GULP1: variants seen among roughly 807,000 people sequenced by gnomAD.
GULP1 encodes the protein PTB domain-containing engulfment adapter protein 1.
In GULP1, 19 loss-of-function variants were observed where a neutral mutation model predicts 40.9. That is an observed-to-expected ratio of 0.46 (90% CI 0.32 to 0.68). GULP1 has a LOEUF of 0.68. GULP1 is among the 30% of genes least tolerant of loss of function. The pLI, the probability that GULP1 is intolerant of heterozygous loss-of-function variation, is 0.03. For missense variants in GULP1, 312 were observed against 362.2 expected, an observed-to-expected ratio of 0.86 and a Z score of 1.12; for synonymous variants, 119 against 117.6, an observed-to-expected ratio of 1.01 and a Z score of -0.08.
intron 4 of GULP1, among the ~76,000 whole-genome samples, chr2:188,516,411 T>C (rs2065176875): frequency 6.6e-6 from 1 of 152,184 alleles, no homozygotes; most frequent in Non-Finnish European, 1.5e-5. Context: ...CTGGAATCTT[T>C]TGTGATTTTT....
chr2:188,375,302 A>G (rs913967170), intron 1 of GULP1, among the ~76,000 whole-genome samples: 4 of 152,224 alleles, frequency 2.6e-5, no homozygotes, highest in African/African-American at 4.8e-5. Flanking sequence ...GCATCCTGCA[A>G]CTGTGGGAAA....
At chr2:188,518,836 T>C (rs1288661863) in intron 4 of GULP1, among the ~76,000 whole-genome samples, 1 of 152,158 alleles carries the variant, frequency 6.6e-6, no homozygotes, top group Non-Finnish European at 1.5e-5. Flanking sequence ...TAGAATGATT[T>C]TTCAGGAGAG....
chr2:188,371,694 A>G (rs930806507), intron 1 of GULP1, among the ~76,000 whole-genome samples: 1 of 152,096 alleles, frequency 6.6e-6, no homozygotes, highest in African/African-American at 2.4e-5. Flanking sequence ...TTAATAATTA[A>G]GTTAAGCAAG....
intron 2 of GULP1, among the ~76,000 whole-genome samples, chr2:188,434,232 C>T (rs1210476067): frequency 6.6e-6 from 1 of 151,782 alleles, no homozygotes; most frequent in East Asian, 1.9e-4. Flanking sequence ...CATTTGCTGT[C>T]AATGATGTCA....
intron 1 of GULP1, among the ~76,000 whole-genome samples, chr2:188,368,344 G>T (rs2047080588): frequency 6.6e-6 from 1 of 152,084 alleles, no homozygotes. Flanking sequence ...CACTTTGGGG[G>T]CATAGGCGGG....
intron 7 of GULP1, among the ~76,000 whole-genome samples, chr2:188,552,301 A>G (rs1693674200): frequency 6.6e-6 from 1 of 151,656 alleles, no homozygotes; most frequent in Non-Finnish European, 1.5e-5. Flanking sequence ...ACAGTTCCAG[A>G]TATTACATTT....
At chr2:188,421,038 A>G (rs1207003927) in intron 2 of GULP1, among the ~76,000 whole-genome samples, 5 of 152,134 alleles carry the variant, frequency 3.3e-5, no homozygotes, top group Admixed American at 2.6e-4. Context: ...ATTCAACATA[A>G]TATTGGAAGT....
intron 1 of GULP1, among the ~76,000 whole-genome samples, chr2:188,305,805 T>A (rs1485196443): frequency 6.6e-6 from 1 of 152,294 alleles, no homozygotes; most frequent in African/African-American, 2.4e-5. Context: ...TTCAAGACAG[T>A]CTTGTTCTGT....
At chr2:188,472,765 G>C (rs2060696010) in intron 2 of GULP1, among the ~76,000 whole-genome samples, 1 of 152,104 alleles carries the variant, frequency 6.6e-6, no homozygotes, top group Admixed American at 6.5e-5. Context: ...ACACATCTTT[G>C]TTTTTCCAGG....
At chr2:188,352,622 A>ACACACACACACACACG (rs1553527089) in intron 1 of GULP1, among the ~76,000 whole-genome samples, 264 of 144,432 alleles carry the variant, frequency 1.8e-3, no homozygotes, top group African/African-American at 4.5e-3. Flanking sequence ...TCTCTCTCAC[A>ACACACACACACACACG]CACACACACA....
At chr2:188,310,192 CAAAAT>C (rs1362317593) in intron 1 of GULP1, among the ~76,000 whole-genome samples, 1 of 151,668 alleles carries the variant, frequency 6.6e-6, no homozygotes, top group African/African-American at 2.4e-5. Context: ...GGTTTTTAAA[CAAAAT>C]AAAAGGAAGG....
intron 2 of GULP1, among the ~76,000 whole-genome samples, chr2:188,418,651 A>G (rs2054923905): frequency 6.6e-6 from 1 of 152,204 alleles, no homozygotes; most frequent in African/African-American, 2.4e-5. Context: ...TAAAAAAGAA[A>G]TGACATTTTA....
intron 6 of GULP1, among the ~76,000 whole-genome samples, chr2:188,538,875 AAAAC>A (rs1689673796): frequency 6.6e-6 from 1 of 152,178 alleles, no homozygotes; most frequent in South Asian, 2.1e-4. Flanking sequence ...TATTTAGAAA[AAAAC>A]AAATGTGATA....
intron 2 of GULP1, among the ~76,000 whole-genome samples, chr2:188,433,474 A>G (rs1427657433): frequency 6.6e-6 from 1 of 152,116 alleles, no homozygotes; most frequent in African/African-American, 2.4e-5. Context: ...GAACATCTGA[A>G]TCAAAATTAG....
intron 6 of GULP1, among the ~76,000 whole-genome samples, chr2:188,538,813 T>C (rs1458017492): frequency 6.6e-6 from 1 of 151,952 alleles, no homozygotes; most frequent in Non-Finnish European, 1.5e-5. Flanking sequence ...CAAGGACATA[T>C]ACATAAGTGA....
At chr2:188,345,296 C>A (rs2043492452) in intron 1 of GULP1, among the ~76,000 whole-genome samples, 1 of 152,182 alleles carries the variant, frequency 6.6e-6, no homozygotes, top group Admixed American at 6.5e-5. Flanking sequence ...CACAACAGAA[C>A]ACTTCAAATG....
intron 2 of GULP1, among the ~76,000 whole-genome samples, chr2:188,436,174 C>G (rs7422317): frequency 0.027 from 4,107 of 152,062 alleles, 203 homozygotes; most frequent in East Asian, 0.2. Flanking sequence ...TTTTAAAATC[C>G]AACCATCACA....
At chr2:188,304,416 A>G (rs375720833) in intron 1 of GULP1, among the ~76,000 whole-genome samples, 5 of 152,222 alleles carry the variant, frequency 3.3e-5, no homozygotes, top group Admixed American at 3.3e-4. Flanking sequence ...TTAGAGTGCT[A>G]TGTCCTAAGC....
chr2:188,585,309 CG>C (rs752106277), intron 10 of GULP1, among the ~76,000 whole-genome samples: 1 of 152,132 alleles, frequency 6.6e-6, no homozygotes, highest in Non-Finnish European at 1.5e-5. Context: ...ATCTACCATT[CG>C]GGGGTCTGAA....
Sources: gnomAD v4.1 joint callset for allele counts (sites outside exome capture counted in the v4.1 genomes callset) on GRCh38, gnomAD v4.1.1 for gene constraint, MANE v1.5 for transcripts, NCBI Gene and HGNC (gene_info 2026-07-23, HGNC 2026-07-21) for gene names.